Variants in AGMO observed in about 807,000 individuals in gnomAD.
AGMO encodes the protein glyceryl-ether monooxygenase.
AGMO carries 75 observed loss-of-function variants against 60.2 expected under a neutral mutation model. The observed-to-expected ratio is 1.25, with a 90% CI of 1.03 to 1.51. AGMO has a LOEUF of 1.51. Among genes scored for constraint, AGMO ranks in the 40% most tolerant of loss-of-function variants. AGMO has a pLI of 0.00. For missense variants in AGMO, 763 were observed against 525.5 expected (o/e 1.45, Z -4.42); for synonymous variants, 261 against 177.1 (o/e 1.47, Z -3.76).
At position 15,394,044 on chromosome 7, in the gene AGMO, G is replaced by C. The variant is rs1784262704; in HGVS notation, c.676+69C>G. 3.4e-6 allele frequency: 4 copies of C among 1,166,840 alleles called. No individual in the cohort carries two copies. The Admixed American group carries it at 5.3e-5, about 16-fold the overall frequency. The allele number at this position is 1,166,840 out of a possible 1,614,324, so 72.3% of individuals were successfully genotyped here. On this transcript the variant is annotated intron_variant, in intron 6 of 12. Coordinates refer to ENST00000342526, the MANE Select transcript of AGMO (RefSeq NM_001004320.2). ...ATATTGGGAAATTGTGATTAAATGA[G>C]ATTAAGGAAAATAATAATGCAATTT...
chr7:15,531,347 C>T (rs1583655224), intron 3 of AGMO, among the ~76,000 whole-genome samples: 1 of 51,244 alleles, frequency 2.0e-5, no homozygotes, highest in African/African-American at 9.4e-5. Flanking sequence ...TATATATATT[C>T]TATATATATT....
intron 12 of AGMO, among the ~76,000 whole-genome samples, chr7:15,341,957 C>T (rs1781862493): frequency 6.6e-6 from 1 of 151,838 alleles, no homozygotes; most frequent in South Asian, 2.1e-4. Flanking sequence ...GAGTCCCTCC[C>T]ATGGCACGTA....
chr7:15,199,097 C>A (rs1168908337), downstream of AGMO, among the ~76,000 whole-genome samples: 1 of 152,166 alleles, frequency 6.6e-6, no homozygotes, highest in Admixed American at 6.5e-5. Context: ...CAGGAATAAA[C>A]AAGGACACCT....
At chr7:15,315,333 T>TG (rs1258057221) in intron 12 of AGMO, among the ~76,000 whole-genome samples, 2 of 115,852 alleles carry the variant, frequency 1.7e-5, no homozygotes, top group East Asian at 4.5e-4. Flanking sequence ...ATTTGCTTTT[T>TG]TTTTTTTTTT....
the AGMO span, among the ~76,000 whole-genome samples, chr7:15,145,798 C>T: frequency 1.3e-5 from 2 of 151,996 alleles, no homozygotes; most frequent in South Asian, 4.1e-4. Flanking sequence ...ACAATTACGC[C>T]ATACAAATTG....
chr7:15,369,282 G>A (rs968886057), intron 10 of AGMO, among the ~76,000 whole-genome samples: 3 of 152,002 alleles, frequency 2.0e-5, no homozygotes, highest in Non-Finnish European at 2.9e-5. Context: ...ACAGCATGCA[G>A]AGTGATCCTT....
rs1488640427 is a variant in AGMO at position 15,560,199 on chromosome 7, C to T, written c.199G>A (p.Gly67Ser). 4.3e-6 allele frequency: 7 copies of T among 1,613,080 alleles called. No homozygotes were observed. The highest frequency in any genetic ancestry group is 4.2e-6 in the Non-Finnish European group (5 of 1,179,376). Residue 67 changes from glycine to serine, a missense_variant, in exon 2 of 13, where the codon GGT (glycine) becomes AGT (serine). Coordinates refer to ENST00000342526, the MANE Select transcript of AGMO (RefSeq NM_001004320.2). ...GACGTTAAAGCATCATCCAGGCGACCTGGTGGCTTTCCTTTGAGAATCCAG... is the reference window on the plus strand; with the variant it reads ...GACGTTAAAGCATCATCCAGGCGACTTGGTGGCTTTCCTTTGAGAATCCAG... Reference protein sequence around the residue: ...VSWILKGKPPGRLDDALTSIS... With the variant: ...VSWILKGKPPSRLDDALTSIS...
Position 15,394,194 on chromosome 7 carries a change from A to G in AGMO, c.610-15T>C. ...TTATTGATGACCTGTTTAAAACAGA[A>G]GGAATATTTATACATGTAGTTATCA... is the stretch of plus-strand genomic sequence containing the variant. On this transcript the variant is annotated splice_polypyrimidine_tract_variant and intron_variant, in intron 5 of 12. Coordinates refer to ENST00000342526, the MANE Select transcript of AGMO (RefSeq NM_001004320.2). 3 of 1,545,036 alleles carry G rather than the reference A, an allele frequency of 1.9e-6. No homozygotes were observed. Among genetic ancestry groups the G allele is most frequent in the Non-Finnish European group, 2.7e-6 (3 of 1,118,332 alleles).
chr7:15,396,546 C>T (rs933047872), intron 5 of AGMO: 4 of 152,230 alleles, frequency 2.6e-5, no homozygotes, highest in South Asian at 2.1e-4. Flanking sequence ...AACAAAGCTA[C>T]CACAACGAGG....
chr7:15,246,181 A>C (rs1441276891), intron 12 of AGMO, among the ~76,000 whole-genome samples: 2 of 152,234 alleles, frequency 1.3e-5, no homozygotes, highest in East Asian at 3.8e-4. Context: ...TACACATTCC[A>C]GCGTTAGCTC....
intron 12 of AGMO, among the ~76,000 whole-genome samples, chr7:15,315,806 T>C (rs1194953264): frequency 6.6e-6 from 1 of 152,084 alleles, no homozygotes; most frequent in Non-Finnish European, 1.5e-5. Flanking sequence ...GCAAACAATG[T>C]CCTCAACCAC....
chr7:15,247,256 A>G (rs1348125280), intron 12 of AGMO, among the ~76,000 whole-genome samples: 2 of 151,910 alleles, frequency 1.3e-5, no homozygotes, highest in African/African-American at 2.4e-5. Context: ...GCAAATAATT[A>G]TATGTATTTA....
intron 12 of AGMO, among the ~76,000 whole-genome samples, chr7:15,272,579 A>G (rs1783649147): frequency 6.6e-6 from 1 of 152,050 alleles, no homozygotes; most frequent in Non-Finnish European, 1.5e-5. Context: ...GAATAGTGCC[A>G]CAATAAATGT....
chr7:15,321,825 T>C (rs1463244178), intron 12 of AGMO, among the ~76,000 whole-genome samples: 1 of 152,112 alleles, frequency 6.6e-6, no homozygotes, highest in Non-Finnish European at 1.5e-5. Flanking sequence ...CCCCATAGGC[T>C]AGTAAATAGT....
the AGMO span, among the ~76,000 whole-genome samples, chr7:15,157,476 A>C: frequency 6.6e-6 from 1 of 152,180 alleles, no homozygotes; most frequent in Admixed American, 6.5e-5. Flanking sequence ...CTGCAGGTAC[A>C]TTCAAGTTTG....
intron 12 of AGMO, among the ~76,000 whole-genome samples, chr7:15,221,267 A>G (rs1425589077): frequency 6.6e-6 from 1 of 152,122 alleles, no homozygotes; most frequent in Non-Finnish European, 1.5e-5. Context: ...AGTAAAGGCC[A>G]TCTGTCAGTT....
At chr7:15,374,661 G>A (rs753053342) in intron 10 of AGMO, among the ~76,000 whole-genome samples, 2 of 151,988 alleles carry the variant, frequency 1.3e-5, no homozygotes, top group Admixed American at 6.6e-5. Context: ...AAAGAACAGC[G>A]ATCTCAGGGA....
rs1554283652 is a variant in AGMO at position 15,531,585 on chromosome 7, C to CTATATATATTCTA, written c.409+13174_409+13186dup. On this transcript the variant is annotated intron_variant, in intron 3 of 12. Coordinates refer to ENST00000342526, the MANE Select transcript of AGMO (RefSeq NM_001004320.2). ...TCTCTATATATTCCATATATATATT[C>CTATATATATTCTA]TATATATATTCTATATATATATTCT... Among the ~76,000 whole-genome samples, 52 of 111,790 alleles carry CTATATATATTCTA rather than the reference C, an allele frequency of 4.7e-4. 5 individuals carry two copies. Among genetic ancestry groups the CTATATATATTCTA allele is most frequent in the African/African-American group, 1.2e-3 (33 of 27,826 alleles). 73.3% of individuals were successfully genotyped at this position (111,790 alleles called of 152,430 possible). A position where few individuals can be genotyped will look rare whatever the true frequency, so the allele number is the denominator to read the frequency against.
Position 15,560,205 on chromosome 7 carries a change from G to T in AGMO, c.193C>A (p.Pro65Thr), listed in dbSNP as rs1187566427. The T allele has an allele frequency of 1.2e-6, 2 of 1,613,108 alleles. No individual in the cohort carries two copies. The highest frequency in any genetic ancestry group is 3.3e-5 in the Admixed American group (2 of 59,936). ...LVVSWILKGK[P>T]PGRLDDALTS... Reference sequence around the variant, plus strand: ...AAAGCATCATCCAGGCGACCTGGTGGCTTTCCTTTGAGAATCCAGCTGACA... The same window carrying T: ...AAAGCATCATCCAGGCGACCTGGTGTCTTTCCTTTGAGAATCCAGCTGACA... The change falls in exon 2 of 13, where the codon CCA becomes ACA. Residue 65 changes from proline (P) to threonine (T), a missense_variant. Transcript: ENST00000342526.
Sources: allele counts gnomAD v4.1 joint callset (sites outside exome capture counted in the v4.1 genomes callset), GRCh38; gene constraint gnomAD v4.1.1; transcripts MANE v1.5; gene names NCBI Gene and HGNC (gene_info 2026-07-23, HGNC 2026-07-21).